RAPH1: variants seen among roughly 807,000 people sequenced by gnomAD.
RAPH1 encodes the protein Ras association (RalGDS/AF-6) and pleckstrin homology domains 1, also known as ras-associated and pleckstrin homology domains-containing protein 1.
Under a neutral mutation model 88.1 loss-of-function variants are expected in RAPH1, and 18 were observed. The observed-to-expected ratio is 0.20, with a 90% CI of 0.14 to 0.30. RAPH1 has a LOEUF of 0.30. Ranked by LOEUF, RAPH1 falls within the 10% of genes least tolerant of loss-of-function variation. The probability of loss-of-function intolerance (pLI) is 1.00; values close to 1 mark genes in which losing one functional copy is unlikely to be tolerated. For synonymous variants in RAPH1, 587 were observed against 559.0 expected (o/e 1.05, Z -0.71); for missense variants, 1,448 against 1,543.2 (o/e 0.94, Z 1.03).
intron 12 of RAPH1, 66 bp downstream of exon 12, chr2:203,447,893 A>C: frequency 6.6e-7 from 1 of 1,521,342 alleles, no homozygotes; most frequent in Non-Finnish European, 9.0e-7. Flanking sequence ...TTCCAGGTCT[A>C]CTATCAGTCT....
chr2:203,526,606 T>C (rs1318767749), intron 1 of RAPH1, among the ~76,000 whole-genome samples: 1 of 146,148 alleles, frequency 6.8e-6, no homozygotes, highest in Non-Finnish European at 1.5e-5. Flanking sequence ...GCACCTGTAA[T>C]CCCAGCTACT....
At chr2:203,505,526 A>G (rs184109771) in intron 1 of RAPH1, among the ~76,000 whole-genome samples, 8 of 152,292 alleles carry the variant, frequency 5.3e-5, no homozygotes, top group African/African-American at 1.7e-4. Context: ...CAGCCAAACC[A>G]TATCACTAAA....
Position 203,439,179 on chromosome 2 carries a change from T to G in RAPH1, c.*258A>C. 1 of 366,208 alleles carries G rather than the reference T, an allele frequency of 2.7e-6. No homozygotes were observed. The allele number at this position is 366,208 out of a possible 1,614,324, so 22.7% of individuals were successfully genotyped here. ...AAAATACAGAACACCCATTTTCAGA[T>G]TAGGAGAGAAAAGGAATAAATAGAA... On this transcript the variant is annotated 3_prime_UTR_variant, in exon 14 of 14. Transcript: ENST00000319170.
chr2:203,460,512 A>G (rs1442232702), intron 6 of RAPH1, among the ~76,000 whole-genome samples: 2 of 152,202 alleles, frequency 1.3e-5, no homozygotes, highest in African/African-American at 4.8e-5. Flanking sequence ...AACATATGTT[A>G]AAGAACACGT....
intron 2 of RAPH1, 23 bp from the exon 3 acceptor site, chr2:203,491,342 A>G (rs955309064): frequency 2.0e-6 from 3 of 1,476,288 alleles, no homozygotes; most frequent in East Asian, 4.5e-5. Flanking sequence ...AAAGTTTAAT[A>G]GTCATATTAA....
At chr2:203,471,937 C>G (rs1001742499) in intron 4 of RAPH1, among the ~76,000 whole-genome samples, 2 of 151,904 alleles carry the variant, frequency 1.3e-5, no homozygotes, top group Admixed American at 1.3e-4. Flanking sequence ...CCTCATTTAA[C>G]TAGATTGTGT....
chr2:203,474,261 C>A (rs1427764482), intron 4 of RAPH1, among the ~76,000 whole-genome samples: 1 of 152,100 alleles, frequency 6.6e-6, no homozygotes, highest in Non-Finnish European at 1.5e-5. Flanking sequence ...ACATTCTGGG[C>A]TGCCACAATG....
chr2:203,526,707 A>G (rs1175995470), intron 1 of RAPH1, among the ~76,000 whole-genome samples: 4 of 35,872 alleles, frequency 1.1e-4, no homozygotes, highest in Non-Finnish European at 2.6e-4. Flanking sequence ...ACTCTGTCTC[A>G]AAAAAAAAAA....
chr2:203,506,818 ATCTATATATATATC>A (rs1486145395), intron 1 of RAPH1, among the ~76,000 whole-genome samples: 4 of 85,068 alleles, frequency 4.7e-5, no homozygotes, highest in African/African-American at 2.7e-4. Context: ...ATATCTATAT[ATCTATATATATATC>A]TATATCTATA....
At chr2:203,514,429 G>C (rs1312642362) in intron 1 of RAPH1, among the ~76,000 whole-genome samples, 1 of 152,118 alleles carries the variant, frequency 6.6e-6, no homozygotes, top group Non-Finnish European at 1.5e-5. Flanking sequence ...ATGGTTATGA[G>C]AGAATAAAAT....
intron 1 of RAPH1, among the ~76,000 whole-genome samples, chr2:203,528,994 T>C (rs1024409975): frequency 1.2e-5 from 1 of 84,598 alleles, no homozygotes; most frequent in African/African-American, 5.9e-5. Flanking sequence ...TATATATATA[T>C]ATATATATAT....
chr2:203,485,380 C>T (rs942476403), intron 4 of RAPH1, among the ~76,000 whole-genome samples: 1 of 137,348 alleles, frequency 7.3e-6, no homozygotes, highest in East Asian at 2.1e-4. Context: ...CACTGCATTA[C>T]AGCCTGGACA....
intron 1 of RAPH1, among the ~76,000 whole-genome samples, chr2:203,495,652 G>C (rs1688479286): frequency 6.6e-6 from 1 of 151,934 alleles, no homozygotes; most frequent in Non-Finnish European, 1.5e-5. Context: ...AATCAGCAGA[G>C]GACATAACAG....
In RAPH1 at chr2:203,440,221, G is replaced by C; in HGVS notation, c.2969C>G (p.Pro990Arg). Residue 990 changes from proline (P) to arginine (R), a missense_variant, in exon 14 of 14, where the codon CCC (proline) becomes CGC (arginine). By Grantham distance (103) the Pro-to-Arg change is moderately radical. Coordinates refer to ENST00000319170, the MANE Select transcript of RAPH1 (RefSeq NM_213589.3). ...GTCCACCGAGGGTCTCTTGGGCTCG[G>C]GGTGCTCTGCACCACTGCTGGATTT... is the stretch of plus-strand genomic sequence containing the variant. ...SIKSSSGAEHPEPKRPSVDSL... is the reference protein window; with the variant it reads ...SIKSSSGAEHREPKRPSVDSL... 6.2e-7 allele frequency: 1 copy of C among 1,613,958 alleles called. No individual in the cohort carries two copies. Among genetic ancestry groups the C allele is most frequent in the South Asian group, 1.1e-5 (1 of 91,062 alleles).
At chr2:203,444,058 G>C (rs1213446799) in intron 13 of RAPH1, 2 of 134,588 alleles carry the variant, frequency 1.5e-5, no homozygotes, top group Non-Finnish European at 3.2e-5. Flanking sequence ...AGGGAGAGAA[G>C]GAAGGGGAGG....
intron 4 of RAPH1, among the ~76,000 whole-genome samples, chr2:203,472,310 T>G (rs559204274): frequency 6.6e-6 from 1 of 152,216 alleles, no homozygotes; most frequent in Admixed American, 6.5e-5. Flanking sequence ...TTTTGTATTT[T>G]TATTAGAGAC....
chr2:203,451,736 T>C (rs2153637812), intron 10 of RAPH1, among the ~76,000 whole-genome samples: 1 of 152,338 alleles, frequency 6.6e-6, no homozygotes, highest in East Asian at 1.9e-4. Context: ...CCCCTATGGC[T>C]ATCTCCTCCT....
chr2:203,520,625 CT>C, intron 1 of RAPH1, among the ~76,000 whole-genome samples: 1 of 150,072 alleles, frequency 6.7e-6, no homozygotes. Flanking sequence ...GAAGCTCTGT[CT>C]CAAAAAGGAA....
intron 1 of RAPH1, among the ~76,000 whole-genome samples, chr2:203,516,262 A>G (rs2105944447): frequency 6.6e-6 from 1 of 152,358 alleles, no homozygotes; most frequent in Admixed American, 6.5e-5. Context: ...GAGAAATACA[A>G]CTGATACACT....
Sources: gnomAD v4.1 joint callset for allele counts (sites outside exome capture counted in the v4.1 genomes callset) on GRCh38, gnomAD v4.1.1 for gene constraint, MANE v1.5 for transcripts, NCBI Gene and HGNC (gene_info 2026-07-23, HGNC 2026-07-21) for gene names.